ATPSCKMT: variants seen among roughly 807,000 people sequenced by gnomAD.
ATPSCKMT encodes the protein ATP synthase subunit C lysine N-methyltransferase.
ATPSCKMT carries 24 observed loss-of-function variants against 24.3 expected under a neutral mutation model. The observed-to-expected ratio is 0.99, with a 90% CI of 0.71 to 1.39. The LOEUF (loss-of-function observed/expected upper bound fraction) is 1.39. ATPSCKMT is among the 40% of genes most tolerant of loss of function. The pLI, the probability that ATPSCKMT is intolerant of heterozygous loss-of-function variation, is 0.00. For missense variants in ATPSCKMT, 311 were observed against 298.4 expected (o/e 1.04, Z -0.31); for synonymous variants, 95 against 110.5 (o/e 0.86, Z 0.88).
chr5:10,234,322 TG>T (rs896714236), intron 4 of ATPSCKMT, among the ~76,000 whole-genome samples: 14 of 151,634 alleles, frequency 9.2e-5, no homozygotes, highest in African/African-American at 3.1e-4. Flanking sequence ...AACAAGACCC[TG>T]GCTCAAAAAA....
chr5:10,235,185 C>G lies in ATPSCKMT; in HGVS notation c.495+26G>C, dbSNP rs368952923. On this transcript the variant is annotated intron_variant, in intron 4 of 4. Transcript: ENST00000511437. ...GCCTTCAACATCATCTAACCCCAAA[C>G]AGAGAGCAGGAAAGTGCATACTCAC... 7 of 1,612,484 alleles carry G rather than the reference C, an allele frequency of 4.3e-6. No homozygotes were observed. In the African/African-American group the frequency reaches 8.0e-5, roughly 18 times the overall value.
chr5:10,249,454 T>C (rs1031361566), intron 1 of ATPSCKMT: 6 of 220,190 alleles, frequency 2.7e-5, no homozygotes, highest in African/African-American at 1.1e-4. Flanking sequence ...TAGGCACTAC[T>C]GTTACCACCG....
In ATPSCKMT at chr5:10,227,514, T is replaced by C. The variant is rs1376254775; in HGVS notation, c.629A>G (p.Asp210Gly). The C allele has an allele frequency of 6.2e-7, 1 of 1,614,064 alleles. No homozygotes were observed. The highest frequency in any genetic ancestry group is 1.3e-5 in the African/African-American group (1 of 74,904). ...GEGIDTVWAY[D>G]ASTFRGREKR... ...TTCACGGCCTCTAAAAGTGCTTGCA[T>C]CATATGCCCACACTGTGTCTATCCC... Residue 210 changes from aspartate to glycine, a missense_variant, in exon 5 of 5, where the codon GAT becomes GGT. Asp to Gly is a moderately conservative substitution (Grantham distance 94). Transcript: ENST00000511437.
At chr5:10,235,537 CAGTGGTCATGCGTCAGACAGCT>C (rs1217539002) in intron 3 of ATPSCKMT, among the ~76,000 whole-genome samples, 4 of 152,224 alleles carry the variant, frequency 2.6e-5, no homozygotes, top group Non-Finnish European at 2.9e-5. Flanking sequence ...GGGCACGCCC[CAGTGGTCATGCGTCAGACAGCT>C]AGTGACCACA....
chr5:10,245,192 G>A lies in ATPSCKMT; in HGVS notation c.16+4666C>T, dbSNP rs906662156. Among the ~76,000 whole-genome samples the A allele has an allele frequency of 4.6e-5, 7 of 152,168 alleles. No individual in the cohort carries two copies. The East Asian group carries it at 5.8e-4, about 13-fold the overall frequency. On this transcript the variant is annotated intron_variant, in intron 1 of 4. Coordinates refer to ENST00000511437, the MANE Select transcript of ATPSCKMT (RefSeq NM_199133.4). ...TTCCAGCACTTTGGGAGGCTAAGGC[G>A]GGCAGATCATGAGGTCAGGAGATTG... is the stretch of plus-strand genomic sequence containing the variant.
intron 4 of ATPSCKMT, among the ~76,000 whole-genome samples, chr5:10,229,366 G>A (rs1385317932): frequency 6.6e-6 from 1 of 152,198 alleles, no homozygotes; most frequent in Non-Finnish European, 1.5e-5. Flanking sequence ...GTGTGCTCAT[G>A]AGCAGTGCGG....
intron 4 of ATPSCKMT, among the ~76,000 whole-genome samples, chr5:10,232,493 T>C (rs576474642): frequency 6.6e-6 from 1 of 152,206 alleles, no homozygotes; most frequent in East Asian, 1.9e-4. Flanking sequence ...CAATAACCCA[T>C]CTAAGGACAG....
chr5:10,236,786 CG>C (rs1343638757), intron 2 of ATPSCKMT, 171 bp from the exon 3 acceptor site: 242 of 1,472,676 alleles, frequency 1.6e-4, no homozygotes, highest in Non-Finnish European at 2.1e-4. Context: ...TTGTGGACAA[CG>C]TAATAGTCAA....
intron 1 of ATPSCKMT, among the ~76,000 whole-genome samples, chr5:10,246,894 A>G (rs1287283461): frequency 6.6e-6 from 1 of 152,222 alleles, no homozygotes; most frequent in Non-Finnish European, 1.5e-5. Flanking sequence ...GGCGGAGGAA[A>G]GACTGATTCC....
At chr5:10,245,422 A>T (rs1246466223) in intron 1 of ATPSCKMT, among the ~76,000 whole-genome samples, 1 of 152,094 alleles carries the variant, frequency 6.6e-6, no homozygotes, top group Non-Finnish European at 1.5e-5. Flanking sequence ...TCCGTCTCAA[A>T]AAATAATAAT....
chr5:10,239,423 T>C (rs994699102), intron 1 of ATPSCKMT, 67 bp from the exon 2 acceptor site: 28 of 1,376,258 alleles, frequency 2.0e-5, no homozygotes, highest in East Asian at 2.3e-5. Flanking sequence ...AGCATTTTTT[T>C]CTACAATTCT....
chr5:10,232,537 C>T (rs992321416), intron 4 of ATPSCKMT, among the ~76,000 whole-genome samples: 7 of 152,222 alleles, frequency 4.6e-5, no homozygotes, highest in African/African-American at 1.7e-4. Flanking sequence ...TAAAGCGGGC[C>T]GCTGGAGCTC....
chr5:10,237,132 A>T (rs897604688), intron 2 of ATPSCKMT: 13 of 824,210 alleles, frequency 1.6e-5, no homozygotes, highest in Non-Finnish European at 2.1e-5. Context: ...GTAAAATGAA[A>T]TGAATCCCAA....
rs1354655871 is a variant in ATPSCKMT at position 10,225,986 on chromosome 5, C to T, written c.*1455G>A. 6.6e-6 allele frequency among the ~76,000 whole-genome samples: 1 copy of T among 152,152 alleles called. No homozygotes were observed. The highest frequency in any genetic ancestry group is 2.4e-5 in the African/African-American group (1 of 41,416). ...CTAAAGTCACACACCACAGAAAGAA[C>T]TCATTCTTCATAAGAAGACTGGAGC... On this transcript the variant is annotated 3_prime_UTR_variant, in exon 5 of 5. Coordinates refer to ENST00000511437, the MANE Select transcript of ATPSCKMT (RefSeq NM_199133.4).
In ATPSCKMT at chr5:10,236,529, C is replaced by G; in HGVS notation, c.393G>C (p.Trp131Cys). The G allele has an allele frequency of 6.2e-7, 1 of 1,614,190 alleles. No homozygotes were observed. Among genetic ancestry groups the G allele is most frequent in the Non-Finnish European group, 8.5e-7 (1 of 1,180,046 alleles). The stretch of plus-strand genomic sequence containing the variant: ...TGGCAGATCCATGCACACCTTCTCG[C>G]CAAGCGCGGTATCTGGAATACCAAA... ...WLVWYSRYRA[W>C]REGVHGSAKF... The change falls in exon 3 of 5, where the codon TGG becomes TGC. Residue 131 changes from tryptophan to cysteine, a missense_variant. By Grantham distance (215) the Trp-to-Cys change is radical. Transcript: ENST00000511437.
intron 3 of ATPSCKMT, among the ~76,000 whole-genome samples, chr5:10,235,633 A>G (rs1379160829): frequency 6.6e-6 from 1 of 152,160 alleles, no homozygotes; most frequent in Non-Finnish European, 1.5e-5. Context: ...AGTCCACTCT[A>G]TACCACCAGC....
intron 3 of ATPSCKMT, among the ~76,000 whole-genome samples, chr5:10,235,782 G>A (rs1744350327): frequency 6.6e-6 from 1 of 152,108 alleles, no homozygotes; most frequent in African/African-American, 2.4e-5. Flanking sequence ...GAAAAACTGG[G>A]GGGAAATGTG....
At chr5:10,233,168 G>A (rs528221092) in intron 4 of ATPSCKMT, among the ~76,000 whole-genome samples, 2 of 152,236 alleles carry the variant, frequency 1.3e-5, no homozygotes, top group African/African-American at 4.8e-5. Flanking sequence ...TATCTACCTG[G>A]GCATCAGCAG....
At position 10,227,682 on chromosome 5, in the gene ATPSCKMT, G is replaced by A; in HGVS notation, c.496-35C>T. On this transcript the variant is annotated intron_variant, in intron 4 of 4. Transcript: ENST00000511437. ...GTAACAGCTATTATTTTAGTGAGCA[G>A]TGAGTCAGAGGAAATGATCCCAAAA... The A allele has an allele frequency of 2.5e-6, 4 of 1,599,854 alleles. No individual in the cohort carries two copies. In the South Asian group the frequency reaches 4.4e-5, roughly 18 times the overall value.
Sources: gnomAD v4.1 joint callset for allele counts (sites outside exome capture counted in the v4.1 genomes callset) on GRCh38, gnomAD v4.1.1 for gene constraint, MANE v1.5 for transcripts, NCBI Gene and HGNC (gene_info 2026-07-23, HGNC 2026-07-21) for gene names.